Variants in MED4 observed in about 807,000 individuals in gnomAD.
MED4 encodes mediator of RNA polymerase II transcription subunit 4.
Under a neutral mutation model 35.0 loss-of-function variants are expected in MED4, and 21 were observed. The ratio of observed to expected loss-of-function variants is 0.60; its 90% CI spans 0.43 to 0.86. The LOEUF is 0.86. Among genes scored for constraint, MED4 ranks in the 40% least tolerant of loss-of-function variants. The pLI is 0.00. For missense variants in MED4, 300 were observed against 319.4 expected (o/e 0.94, Z 0.46); for synonymous variants, 138 against 114.0 (o/e 1.21, Z -1.34).
chr13:48,090,547 C>A, intron 1 of MED4, 129 bp from the exon 2 acceptor site: 1 of 626,240 alleles, frequency 1.6e-6, no homozygotes, highest in Non-Finnish European at 2.7e-6. Context: ...GGTTACCAAA[C>A]TTATTTATAA....
chr13:48,092,391 C>A (rs1279612540), intron 1 of MED4, among the ~76,000 whole-genome samples: 1 of 152,222 alleles, frequency 6.6e-6, no homozygotes, highest in Non-Finnish European at 1.5e-5. Context: ...GGATTACAGG[C>A]ATGAGCCACT....
intron 1 of MED4, among the ~76,000 whole-genome samples, chr13:48,092,573 G>A (rs2137842616): frequency 6.6e-6 from 1 of 152,266 alleles, no homozygotes. Flanking sequence ...AGTGTTCCAG[G>A]CAAAAAATGA....
In MED4 at chr13:48,079,854, T is replaced by C. The variant is rs764615780; in HGVS notation, c.630A>G (p.Gly210=). Residue 210 remains glycine (G), a synonymous_variant, in exon 6 of 7, where the codon GGA becomes GGG. Transcript: ENST00000258648. The part of the protein sequence containing the change: ...GHLPGDALAA[G]RLPDVLAPQY... Reference sequence around the variant, plus strand: ...TCGGCTTAACATTACCTGGCAATCTTCCTGCTGCAAGTGCATCTCCTGGTA... The same window carrying C: ...TCGGCTTAACATTACCTGGCAATCTCCCTGCTGCAAGTGCATCTCCTGGTA... 5.0e-6 allele frequency: 8 copies of C among 1,613,574 alleles called. No individual in the cohort carries two copies. In the African/African-American group the frequency reaches 5.3e-5, roughly 11 times the overall value.
At chr13:48,080,029 AATATGTT>A in intron 5 of MED4, 54 bp from the exon 6 acceptor site, 2 of 1,576,834 alleles carry the variant, frequency 1.3e-6, no homozygotes, top group South Asian at 2.3e-5. Flanking sequence ...AATAAGTGTT[AATATGTT>A]ATTTGACATA....
At chr13:48,091,656 T>C (rs1432860356) in intron 1 of MED4, among the ~76,000 whole-genome samples, 1 of 152,180 alleles carries the variant, frequency 6.6e-6, no homozygotes, top group African/African-American at 2.4e-5. Context: ...ATTTATTGAG[T>C]GCCTATCATG....
At chr13:48,094,702 T>G (rs1271979851) in intron 1 of MED4, among the ~76,000 whole-genome samples, 7 of 152,094 alleles carry the variant, frequency 4.6e-5, no homozygotes, top group Non-Finnish European at 8.8e-5. Flanking sequence ...AAATGTTAAG[T>G]GGCTGGCCGC....
At chr13:48,092,919 G>C (rs973688210) in intron 1 of MED4, among the ~76,000 whole-genome samples, 2 of 152,138 alleles carry the variant, frequency 1.3e-5, no homozygotes, top group African/African-American at 4.8e-5. Context: ...GCTTGCCTTA[G>C]GCGCCGGAGT....
intron 2 of MED4, among the ~76,000 whole-genome samples, chr13:48,088,877 A>G (rs1950870654): frequency 6.6e-6 from 1 of 152,250 alleles, no homozygotes; most frequent in African/African-American, 2.4e-5. Context: ...ATCCCTCTCT[A>G]ATAGTAACAG....
At chr13:48,094,548 T>C (rs1216896455) in intron 1 of MED4, among the ~76,000 whole-genome samples, 2 of 152,082 alleles carry the variant, frequency 1.3e-5, no homozygotes, top group Non-Finnish European at 2.9e-5. Flanking sequence ...GCCTAGTCCC[T>C]GTGCTCCAGT....
rs756597202 is a variant in MED4, at chr13:48,090,436, A to C, written c.126-18T>G. ...TAAGTTCCCTAAAAAAAAAAAACCA[A>C]CAACAACAAAAACCCTTTCACAGCA... On this transcript the variant is annotated intron_variant, in intron 1 of 6. Coordinates refer to ENST00000258648, the MANE Select transcript of MED4 (RefSeq NM_014166.4). 1.0e-5 allele frequency: 16 copies of C among 1,574,090 alleles called. No homozygotes were observed. In the Admixed American group the frequency reaches 2.3e-4, roughly 22 times the overall value.
chr13:48,078,748 G>A (rs1950780350), intron 6 of MED4, among the ~76,000 whole-genome samples: 1 of 152,062 alleles, frequency 6.6e-6, no homozygotes, highest in Non-Finnish European at 1.5e-5. Context: ...TGTTTTTCCT[G>A]TACTTTTAAA....
At chr13:48,088,988 T>C (rs908918584) in intron 2 of MED4, among the ~76,000 whole-genome samples, 1 of 152,218 alleles carries the variant, frequency 6.6e-6, no homozygotes, top group African/African-American at 2.4e-5. Flanking sequence ...TTATAGGTCT[T>C]AATTATCACC....
chr13:48,084,548 A>G (rs1435040618), intron 3 of MED4, among the ~76,000 whole-genome samples: 1 of 152,226 alleles, frequency 6.6e-6, no homozygotes, highest in Admixed American at 6.5e-5. Flanking sequence ...TTAATTATTT[A>G]TAACACAAAG....
intron 2 of MED4, among the ~76,000 whole-genome samples, chr13:48,087,724 C>T (rs1255769314): frequency 6.6e-6 from 1 of 152,006 alleles, no homozygotes; most frequent in Non-Finnish European, 1.5e-5. Context: ...GTGGCACATG[C>T]CTGTAATCCC....
At chr13:48,079,469 A>G (rs1474620725) in intron 6 of MED4, among the ~76,000 whole-genome samples, 5 of 152,186 alleles carry the variant, frequency 3.3e-5, no homozygotes. Flanking sequence ...AGGCAGGCAC[A>G]CTGGCTCACA....
chr13:48,085,329 A>C (rs1593545592), intron 3 of MED4, among the ~76,000 whole-genome samples: 1 of 151,740 alleles, frequency 6.6e-6, no homozygotes, highest in East Asian at 1.9e-4. Flanking sequence ...ACACCACCAC[A>C]CCTGGCTAAT....
chr13:48,079,070 A>T (rs1413703496), intron 6 of MED4, among the ~76,000 whole-genome samples: 1 of 152,186 alleles, frequency 6.6e-6, no homozygotes, highest in Non-Finnish European at 1.5e-5. Flanking sequence ...AAACAAATAT[A>T]TATAAAAATA....
At chr13:48,093,819 A>C (rs1253665893) in intron 1 of MED4, 1 of 186,654 alleles carries the variant, frequency 5.4e-6, no homozygotes, top group Middle Eastern at 2.2e-3. Flanking sequence ...TACGATGGCA[A>C]GGACTAAATT....
intron 4 of MED4, 132 bp downstream of exon 4, chr13:48,083,238 AC>A: frequency 1.5e-6 from 1 of 676,202 alleles, no homozygotes; most frequent in Non-Finnish European, 2.4e-6. Context: ...CTAGAACACA[AC>A]ACACTTTACA....
Sources: allele counts gnomAD v4.1 joint callset (sites outside exome capture counted in the v4.1 genomes callset), GRCh38; gene constraint gnomAD v4.1.1; transcripts MANE v1.5; gene names NCBI Gene and HGNC (gene_info 2026-07-23, HGNC 2026-07-21).